Variants in MYH15 observed in about 807,000 individuals in gnomAD.
MYH15 encodes myosin-15.
Under a neutral mutation model 240.5 loss-of-function variants are expected in MYH15, and 227 were observed. That is an observed-to-expected ratio of 0.94 (90% confidence interval 0.85 to 1.05). MYH15 has a LOEUF of 1.05. Among genes scored for constraint, MYH15 ranks in the 50% least tolerant of loss-of-function variants. MYH15 has a pLI of 0.00. For synonymous variants in MYH15, 785 were observed against 796.7 expected (o/e 0.99, Z 0.25); for missense variants, 2,217 against 2,247.5 (o/e 0.99, Z 0.27).
At chr3:108,463,369 C>T in intron 15 of MYH15, 126 bp from the exon 16 acceptor site, 1 of 1,025,606 alleles carries the variant, frequency 9.8e-7, no homozygotes, top group Non-Finnish European at 1.4e-6. Flanking sequence ...GGCTAGAATG[C>T]AGTGGCATAG....
At chr3:108,467,760 A>G (rs1419081326) in intron 14 of MYH15, among the ~76,000 whole-genome samples, 2 of 152,184 alleles carry the variant, frequency 1.3e-5, no homozygotes, top group Non-Finnish European at 2.9e-5. Flanking sequence ...TAAATATGTA[A>G]TCATATATTA....
intron 18 of MYH15, among the ~76,000 whole-genome samples, 155 bp from the exon 19 acceptor site, chr3:108,457,038 T>C (rs942605946): frequency 1.3e-5 from 2 of 152,210 alleles, no homozygotes; most frequent in African/African-American, 2.4e-5. Flanking sequence ...TATGGCCTGA[T>C]AGTACTCACA....
chr3:108,476,356 G>C (rs753290443), intron 12 of MYH15, 41 bp downstream of exon 12: 13 of 1,179,544 alleles, frequency 1.1e-5, no homozygotes, highest in Non-Finnish European at 1.7e-5. Flanking sequence ...ACAATTATTG[G>C]AAGATCATAG....
chr3:108,452,947 T>C (rs1449023354), intron 21 of MYH15, among the ~76,000 whole-genome samples: 1 of 152,126 alleles, frequency 6.6e-6, no homozygotes, highest in Non-Finnish European at 1.5e-5. Flanking sequence ...GGAGACCCTG[T>C]TTCTACAAAA....
rs2090697640 is a variant in MYH15 at position 108,493,173 on chromosome 3, T to G, written c.716A>C (p.Lys239Thr). 1.2e-6 allele frequency: 2 copies of G among 1,614,048 alleles called. No individual in the cohort carries two copies. The highest frequency in any genetic ancestry group is 1.7e-6 in the Non-Finnish European group (2 of 1,179,964). Residue 239 changes from lysine to threonine, a missense_variant, in exon 8 of 41, where the codon AAA (lysine) becomes ACA (threonine). Physicochemically the swap from Lys to Thr is moderately conservative, Grantham distance 78. Coordinates refer to ENST00000693548, the MANE Select transcript of MYH15 (RefSeq NM_014981.3). ...GGCACCAAAGTGCATCCTGATGAAT[T>G]TGCCCTAGTGTGGACACAGAACACA... ...LRNDNSSRFG[K>T]FIRMHFGARG...
intron 25 of MYH15, among the ~76,000 whole-genome samples, chr3:108,432,123 A>G (rs1004211333): frequency 6.6e-6 from 1 of 151,864 alleles, no homozygotes; most frequent in African/African-American, 2.4e-5. Flanking sequence ...CAGTGGTACA[A>G]TCTTGGCTCA....
intron 12 of MYH15, among the ~76,000 whole-genome samples, chr3:108,473,728 G>T (rs758862608): frequency 6.6e-6 from 1 of 152,138 alleles, no homozygotes; most frequent in Non-Finnish European, 1.5e-5. Context: ...ATTTCTAGGT[G>T]ACATAGTTAG....
At chr3:108,498,476 C>G (rs1365920392) in intron 5 of MYH15, among the ~76,000 whole-genome samples, 1 of 152,138 alleles carries the variant, frequency 6.6e-6, no homozygotes, top group Admixed American at 6.5e-5. Context: ...ACCAGCTGTT[C>G]AAGAGATTTT....
chr3:108,467,791 T>C (rs1447056511), intron 14 of MYH15, among the ~76,000 whole-genome samples: 1 of 152,100 alleles, frequency 6.6e-6, no homozygotes, highest in Non-Finnish European at 1.5e-5. Flanking sequence ...ATGTAAATTA[T>C]TGATGTACAA....
chr3:108,416,009 T>C (rs996935761), intron 29 of MYH15, among the ~76,000 whole-genome samples: 8 of 152,154 alleles, frequency 5.3e-5, no homozygotes, highest in Non-Finnish European at 7.3e-5. Flanking sequence ...AGAGCCTTGG[T>C]TTTTTCATAT....
At chr3:108,381,998 C>T (rs2082347228) in intron 40 of MYH15, among the ~76,000 whole-genome samples, 1 of 152,212 alleles carries the variant, frequency 6.6e-6, no homozygotes, top group South Asian at 2.1e-4. Flanking sequence ...TTTTCCTATT[C>T]CTCTCTGGCC....
At chr3:108,542,032 TGA>T in the MYH15 span, among the ~76,000 whole-genome samples, 1 of 152,122 alleles carries the variant, frequency 6.6e-6, no homozygotes, top group Non-Finnish European at 1.5e-5. Flanking sequence ...ACTAGATTGC[TGA>T]GAGAGGGATG....
intron 21 of MYH15, among the ~76,000 whole-genome samples, chr3:108,446,882 A>G (rs1189934436): frequency 6.6e-6 from 1 of 152,214 alleles, no homozygotes; most frequent in Non-Finnish European, 1.5e-5. Flanking sequence ...ATCCCTAAAA[A>G]TCCAACCTAA....
chr3:108,459,265 A>G, intron 18 of MYH15, 97 bp downstream of exon 18: 2 of 791,668 alleles, frequency 2.5e-6, no homozygotes, highest in Non-Finnish European at 3.9e-6. Flanking sequence ...CTACCCTTAT[A>G]TAAAAGGCAC....
At chr3:108,398,925 A>G (rs2082483626) in intron 34 of MYH15, 85 bp from the exon 35 acceptor site, 3 of 1,463,186 alleles carry the variant, frequency 2.1e-6, no homozygotes, top group Admixed American at 3.4e-5. Context: ...ATCTGACTAT[A>G]TATTTAGACA....
At chr3:108,504,682 G>C (rs952319875) in intron 2 of MYH15, among the ~76,000 whole-genome samples, 1 of 152,208 alleles carries the variant, frequency 6.6e-6, no homozygotes, top group Non-Finnish European at 1.5e-5. Context: ...GTTCATTTAA[G>C]TAGGACAGAA....
In MYH15 at chr3:108,463,545, TTTGGTC is replaced by T. The variant is rs1330701641; in HGVS notation, c.1732-308_1732-303del. Among the ~76,000 whole-genome samples the T allele has an allele frequency of 1.3e-4, 20 of 152,200 alleles. 1 individual carries two copies. Among genetic ancestry groups the T allele is most frequent in the East Asian group, 3.9e-4 (2 of 5,182 alleles). Reference sequence around the variant, plus strand: ...GATTTGGTTTCCACATGTTGCTCGGTTTGGTCTCAAACTCCTAGGGCTCAAGCAATC... The same window carrying T: ...GATTTGGTTTCCACATGTTGCTCGGTTCAAACTCCTAGGGCTCAAGCAATC... On this transcript the variant is annotated intron_variant, in intron 15 of 40. Coordinates refer to ENST00000693548, the MANE Select transcript of MYH15 (RefSeq NM_014981.3).
At chr3:108,391,044 T>C (rs182674595) in intron 37 of MYH15, among the ~76,000 whole-genome samples, 7 of 152,332 alleles carry the variant, frequency 4.6e-5, no homozygotes, top group Admixed American at 3.9e-4. Context: ...CCTCACTGTA[T>C]GACTGTATGG....
In MYH15 at chr3:108,425,015, C is replaced by T. The variant is rs544095069; in HGVS notation, c.3702+3477G>A. On this transcript the variant is annotated intron_variant, in intron 27 of 40. Transcript: ENST00000693548. ...ACTGTAGTAAACATGAAAAATGAGA[C>T]CTAGTTTCTGCTTTCAATGTTAGCA... 3.1e-4 allele frequency among the ~76,000 whole-genome samples: 47 copies of T among 152,234 alleles called. No homozygotes were observed. In the South Asian group the frequency reaches 7.2e-3, roughly 23 times the overall value.
Sources: allele counts gnomAD v4.1 joint callset (sites outside exome capture counted in the v4.1 genomes callset), GRCh38; gene constraint gnomAD v4.1.1; transcripts MANE v1.5; gene names NCBI Gene and HGNC (gene_info 2026-07-23, HGNC 2026-07-21).